ECE1: variants seen among roughly 807,000 people sequenced by gnomAD.
ECE1 encodes the protein endothelin converting enzyme 1.
In ECE1, 35 loss-of-function variants were observed where a neutral mutation model predicts 98.6. The observed-to-expected ratio is 0.35, with a 90% confidence interval of 0.27 to 0.47. The LOEUF (loss-of-function observed/expected upper bound fraction) is 0.47, where lower values mean the gene tolerates loss of function less well. ECE1 is among the 20% of genes least tolerant of loss of function. ECE1 has a pLI of 1.00. For synonymous variants in ECE1, 394 were observed against 407.1 expected (o/e 0.97, Z 0.39); for missense variants, 814 against 1,025.3 (o/e 0.79, Z 2.81).
rs1323868698 is a variant in ECE1, at chr1:21,236,811, A to T, written c.1423T>A (p.Phe475Ile). 1 of 1,612,782 alleles carries T rather than the reference A, an allele frequency of 6.2e-7. No individual in the cohort carries two copies. The highest frequency in any genetic ancestry group is 8.5e-7 in the Non-Finnish European group (1 of 1,179,820). Residue 475 changes from phenylalanine to isoleucine, a missense_variant, in exon 12 of 19, where the codon TTT (phenylalanine) becomes ATT (isoleucine). Physicochemically the swap from Phe to Ile is conservative, Grantham distance 21 (BLOSUM62 0). Around this residue, in one of 3 missense-constraint regions of ECE1, gnomAD observed 452 missense variants for 567.3 expected, o/e 0.80. Coordinates refer to ENST00000374893, the MANE Select transcript of ECE1 (RefSeq NM_001397.3). ...TTCAGGGTGCTCAGGCTTTCCTCAA[A>T]TGCCTTCTTAATCTCCAGGATGATC... ...TEIILEIKKA[F>I]EESLSTLKWM...
chr1:21,250,880 G>A (rs935760703), intron 8 of ECE1, among the ~76,000 whole-genome samples: 1 of 152,182 alleles, frequency 6.6e-6, no homozygotes, highest in Admixed American at 6.5e-5. Context: ...TATGGTGGAC[G>A]CCTGTAGTCC....
At chr1:21,250,990 G>A (rs933448765) in intron 8 of ECE1, among the ~76,000 whole-genome samples, 7 of 150,830 alleles carry the variant, frequency 4.6e-5, no homozygotes, top group Non-Finnish European at 8.9e-5. Flanking sequence ...CTGGGCGACA[G>A]AGCGAGACTC....
chr1:21,290,568 G>C, upstream of ECE1: 8 of 1,195,416 alleles, frequency 6.7e-6, no homozygotes, highest in Non-Finnish European at 8.3e-6. This position sits in a 1 kb window ranked among gnomAD's most constrained non-coding sequence, Gnocchi z 7.3. Context: ...AGACCCGAGA[G>C]GCCCGGGGGA....
chr1:21,342,703 TG>T (rs2103422493), intron 1 of ECE1, among the ~76,000 whole-genome samples: 1 of 151,848 alleles, frequency 6.6e-6, no homozygotes, highest in Non-Finnish European at 1.5e-5. Flanking sequence ...TTGGCCACAC[TG>T]CAAAGAAGTG....
intron 1 of ECE1, among the ~76,000 whole-genome samples, chr1:21,337,295 A>G (rs139903654): frequency 1.3e-5 from 2 of 152,308 alleles, no homozygotes; most frequent in East Asian, 1.9e-4. Flanking sequence ...AACCTCAAAC[A>G]TTCCTTGCTG....
At chr1:21,279,039 G>T in intron 3 of ECE1, 152 bp downstream of exon 3, 3 of 1,311,282 alleles carry the variant, frequency 2.3e-6, no homozygotes, top group Non-Finnish European at 3.2e-6. Context: ...CCGGGTCTTG[G>T]TCTATCTCAG....
At chr1:21,229,646 C>T (rs951092748) in intron 14 of ECE1, among the ~76,000 whole-genome samples, 2 of 152,160 alleles carry the variant, frequency 1.3e-5, no homozygotes, top group Non-Finnish European at 2.9e-5. Flanking sequence ...ACAAGTTTGA[C>T]ACCTTACCAA....
At chr1:21,246,498 C>CAAAA (rs368916726) in intron 9 of ECE1, among the ~76,000 whole-genome samples, 15 of 96,614 alleles carry the variant, frequency 1.6e-4, no homozygotes, top group East Asian at 7.8e-4. Flanking sequence ...GACTCCATCT[C>CAAAA]AAAAAAAAAA....
intron 4 of ECE1, among the ~76,000 whole-genome samples, chr1:21,268,184 G>A (rs1458965602): frequency 6.6e-6 from 1 of 152,194 alleles, no homozygotes; most frequent in Non-Finnish European, 1.5e-5. Flanking sequence ...GCTTTGGAGG[G>A]GGTGGTGTAG....
intron 1 of ECE1, among the ~76,000 whole-genome samples, chr1:21,309,802 G>C (rs1638677750): frequency 8.8e-6 from 1 of 113,410 alleles, no homozygotes; most frequent in South Asian, 2.8e-4. Flanking sequence ...TTTTTTTTGA[G>C]ACGTTTTGAG....
At chr1:21,276,684 CTTTTTTTTTTT>C (rs1163785168) in intron 3 of ECE1, among the ~76,000 whole-genome samples, 3 of 124,584 alleles carry the variant, frequency 2.4e-5, no homozygotes, top group Non-Finnish European at 5.2e-5. Flanking sequence ...GATTTGCTTT[CTTTTTTTTTTT>C]TTTTTTTTGA....
intron 8 of ECE1, among the ~76,000 whole-genome samples, chr1:21,248,039 A>G (rs2098206331): frequency 6.6e-6 from 1 of 152,258 alleles, no homozygotes; most frequent in African/African-American, 2.4e-5. Context: ...AGACAGCAGC[A>G]TAACTTCTGA....
chr1:21,309,626 C>T (rs554085639), intron 1 of ECE1, among the ~76,000 whole-genome samples: 4 of 152,338 alleles, frequency 2.6e-5, no homozygotes, highest in African/African-American at 9.6e-5. Context: ...CACCAGCTTC[C>T]TTGGCTTGGC....
chr1:21,272,219 C>A (rs938800946), intron 4 of ECE1, among the ~76,000 whole-genome samples: 2 of 152,176 alleles, frequency 1.3e-5, no homozygotes, highest in Non-Finnish European at 2.9e-5. Context: ...CAGGATCATA[C>A]AATGAGTGAG....
chr1:21,283,262 T>C (rs911088672), intron 2 of ECE1, among the ~76,000 whole-genome samples: 6 of 148,444 alleles, frequency 4.0e-5, no homozygotes, highest in Non-Finnish European at 9.1e-5. Flanking sequence ...TTCCTTTTTT[T>C]GAATTTTTTT....
chr1:21,226,921 G>A (rs576398609), intron 16 of ECE1, among the ~76,000 whole-genome samples: 27 of 151,996 alleles, frequency 1.8e-4, no homozygotes, highest in African/African-American at 6.3e-4. Context: ...ACAGGGTTTC[G>A]CCATGTTGGC....
chr1:21,289,941 G>C, intron 2 of ECE1, 129 bp downstream of exon 2: 1 of 1,178,306 alleles, frequency 8.5e-7, no homozygotes, highest in Non-Finnish European at 1.1e-6. Context: ...GCCCCTCCCG[G>C]ATGCCGGGAC....
chr1:21,273,352 T>TGG (rs1395357938), intron 3 of ECE1, among the ~76,000 whole-genome samples: 1 of 104,070 alleles, frequency 9.6e-6, no homozygotes, highest in African/African-American at 4.9e-5. Context: ...TGTGCGTGTG[T>TGG]GTGTGTGTGT....
At chr1:21,237,265 G>A (rs1167618825) in intron 11 of ECE1, among the ~76,000 whole-genome samples, 2 of 152,108 alleles carry the variant, frequency 1.3e-5, no homozygotes, top group Non-Finnish European at 2.9e-5. Context: ...CTCATGTTCC[G>A]AGGAGCAGCT....
Sources: allele counts gnomAD v4.1 joint callset (sites outside exome capture counted in the v4.1 genomes callset), GRCh38; gene constraint gnomAD v4.1.1; regional missense constraint gnomAD v4.1.1; non-coding constraint Gnocchi (gnomAD v3.1); transcripts MANE v1.5; gene names NCBI Gene and HGNC (gene_info 2026-07-23, HGNC 2026-07-21).